PTPRT: variants seen among roughly 807,000 people sequenced by gnomAD.
The protein encoded by PTPRT is protein tyrosine phosphatase receptor type T.
In PTPRT, 56 loss-of-function variants were observed where a neutral mutation model predicts 176.8. The observed-to-expected ratio is 0.32, with a 90% CI of 0.26 to 0.40. The LOEUF (loss-of-function observed/expected upper bound fraction) is 0.40, where lower values mean the gene tolerates loss of function less well. Among genes scored for constraint, PTPRT ranks in the 10% least tolerant of loss-of-function variants. The pLI, the probability that PTPRT is intolerant of heterozygous loss-of-function variation, is 1.00. For missense variants in PTPRT, 1,540 were observed against 1,908.2 expected (o/e 0.81, Z 3.60); for synonymous variants, 783 against 739.0 (o/e 1.06, Z -0.96).
intron 16 of PTPRT, among the ~76,000 whole-genome samples, chr20:42,169,361 T>C (rs983308206): frequency 6.6e-6 from 1 of 152,082 alleles, no homozygotes; most frequent in African/African-American, 2.4e-5. Flanking sequence ...GGGGAGAGTA[T>C]GAATTCCTTC....
chr20:42,458,795 T>C (rs2070967231), intron 8 of PTPRT, among the ~76,000 whole-genome samples: 1 of 152,226 alleles, frequency 6.6e-6, no homozygotes, highest in South Asian at 2.1e-4. Context: ...ATCTAATTTT[T>C]CTCTGAGGAC....
chr20:42,699,985 T>A (rs927220947), intron 6 of PTPRT, among the ~76,000 whole-genome samples: 1 of 152,132 alleles, frequency 6.6e-6, no homozygotes, highest in Non-Finnish European at 1.5e-5. Flanking sequence ...TACCTACCCA[T>A]CTTTCCAGGT....
chr20:43,142,347 C>T lies in PTPRT; in HGVS notation c.88+47299G>A, dbSNP rs997508393. 1.2e-4 allele frequency among the ~76,000 whole-genome samples: 19 copies of T among 152,200 alleles called. No homozygotes were observed. In the East Asian group the frequency reaches 3.5e-3, roughly 28 times the overall value. Reference sequence around the variant, plus strand: ...GGCCACAGGGCACACGACTGTCCCCCGGGCAGGATTTGAAAGTTGAAGATG... The same window carrying T: ...GGCCACAGGGCACACGACTGTCCCCTGGGCAGGATTTGAAAGTTGAAGATG... On this transcript the variant is annotated intron_variant, in intron 1 of 30. Transcript: ENST00000373187.
At chr20:42,486,725 G>A (rs549484189) in intron 7 of PTPRT, among the ~76,000 whole-genome samples, 2 of 152,200 alleles carry the variant, frequency 1.3e-5, no homozygotes, top group East Asian at 1.9e-4. Flanking sequence ...GCTATGAGTT[G>A]TGCCCAGGTC....
At chr20:42,363,294 A>ATTTTT (rs1568812729) in intron 9 of PTPRT, among the ~76,000 whole-genome samples, 2 of 24,950 alleles carry the variant, frequency 8.0e-5, no homozygotes, top group African/African-American at 3.9e-4. Context: ...ATATATATAT[A>ATTTTT]TATATATTTT....
chr20:42,682,038 C>T (rs552691668), intron 6 of PTPRT, among the ~76,000 whole-genome samples: 6 of 152,230 alleles, frequency 3.9e-5, no homozygotes, highest in South Asian at 4.1e-4. Flanking sequence ...AGGTACTGAC[C>T]GGGACAGAGC....
chr20:42,065,181 C>A, the PTPRT span, among the ~76,000 whole-genome samples: 1 of 152,182 alleles, frequency 6.6e-6, no homozygotes, highest in African/African-American at 2.4e-5. Context: ...CCAGACTGAA[C>A]CCTTTCAGAA....
intron 6 of PTPRT, among the ~76,000 whole-genome samples, chr20:42,716,061 G>T (rs762292333): frequency 6.6e-6 from 1 of 152,102 alleles, no homozygotes; most frequent in Non-Finnish European, 1.5e-5. Flanking sequence ...CACTTCTGTT[G>T]TAAGAATCTT....
At chr20:42,891,602 G>T (rs780475179) in intron 1 of PTPRT, among the ~76,000 whole-genome samples, 1 of 152,158 alleles carries the variant, frequency 6.6e-6, no homozygotes, top group Non-Finnish European at 1.5e-5. Flanking sequence ...GTGTCAATCA[G>T]AATTTTTTTA....
chr20:42,332,186 C>T (rs936839468), intron 11 of PTPRT, among the ~76,000 whole-genome samples: 1 of 151,956 alleles, frequency 6.6e-6, no homozygotes, highest in African/African-American at 2.4e-5. Flanking sequence ...TGTTCAGGTA[C>T]TATGATTTCT....
intron 9 of PTPRT, among the ~76,000 whole-genome samples, chr20:42,388,501 T>G (rs891392975): frequency 3.9e-5 from 6 of 152,214 alleles, no homozygotes; most frequent in African/African-American, 1.4e-4. Flanking sequence ...AAGACATTTA[T>G]GCAGCCAACA....
intron 8 of PTPRT, among the ~76,000 whole-genome samples, chr20:42,468,333 G>A (rs1568906384): frequency 1.3e-5 from 2 of 152,196 alleles, no homozygotes; most frequent in Non-Finnish European, 2.9e-5. Context: ...TCCTTGAGGT[G>A]AACGAGTTAC....
At chr20:42,823,594 G>T (rs752786572) in intron 2 of PTPRT, among the ~76,000 whole-genome samples, 1 of 151,998 alleles carries the variant, frequency 6.6e-6, no homozygotes, top group Non-Finnish European at 1.5e-5. Context: ...CAGTATTTTA[G>T]ATGTAGAAGA....
At chr20:42,973,323 C>T (rs1444558688) in intron 1 of PTPRT, among the ~76,000 whole-genome samples, 3 of 152,104 alleles carry the variant, frequency 2.0e-5, no homozygotes, top group Non-Finnish European at 4.4e-5. Context: ...CAGCTCCTCC[C>T]CAAGTCTTCA....
At chr20:42,667,952 G>A (rs1442126623) in intron 7 of PTPRT, among the ~76,000 whole-genome samples, 3 of 152,134 alleles carry the variant, frequency 2.0e-5, no homozygotes, top group Non-Finnish European at 4.4e-5. Flanking sequence ...CATGGGCAGA[G>A]TGAGGTTGTA....
chr20:43,127,367 G>A (rs1476942445), intron 1 of PTPRT, among the ~76,000 whole-genome samples: 2 of 150,630 alleles, frequency 1.3e-5, no homozygotes, highest in Non-Finnish European at 2.9e-5. Flanking sequence ...AGCTTGTAGT[G>A]AGCCGAGATC....
intron 9 of PTPRT, among the ~76,000 whole-genome samples, chr20:42,395,969 G>A (rs1234702814): frequency 1.3e-5 from 2 of 152,102 alleles, no homozygotes; most frequent in African/African-American, 4.8e-5. Flanking sequence ...CCAGCTTTAC[G>A]TCTGCAAAGC....
chr20:42,575,162 A>C (rs574621279), intron 7 of PTPRT, among the ~76,000 whole-genome samples: 52 of 152,278 alleles, frequency 3.4e-4, no homozygotes, highest in African/African-American at 1.2e-3. Flanking sequence ...GGGGTAACAC[A>C]CACATAGAAA....
intron 6 of PTPRT, among the ~76,000 whole-genome samples, chr20:42,714,610 A>G (rs1460535519): frequency 6.6e-6 from 1 of 152,152 alleles, no homozygotes; most frequent in Non-Finnish European, 1.5e-5. Flanking sequence ...AACAATCAAA[A>G]CACTACAAAA....
Sources: gnomAD v4.1 joint callset for allele counts (sites outside exome capture counted in the v4.1 genomes callset) on GRCh38, gnomAD v4.1.1 for gene constraint, MANE v1.5 for transcripts, NCBI Gene and HGNC (gene_info 2026-07-23, HGNC 2026-07-21) for gene names.